Variants in ADGRL2 observed in about 807,000 individuals in gnomAD.
ADGRL2 encodes the protein calcium-independent alpha-latrotoxin receptor 2.
A neutral mutation model predicts 157.4 loss-of-function variants in ADGRL2; 44 were observed. The ratio of observed to expected loss-of-function variants is 0.28; its 90% CI spans 0.22 to 0.36. ADGRL2 has a LOEUF of 0.36. ADGRL2 is among the 10% of genes least tolerant of loss of function. The pLI, the probability that ADGRL2 is intolerant of heterozygous loss-of-function variation, is 1.00. For synonymous variants in ADGRL2, 585 were observed against 624.7 expected, an observed-to-expected ratio of 0.94 and a Z score of 0.95; for missense variants, 1,510 against 1,768.9, an observed-to-expected ratio of 0.85 and a Z score of 2.63.
intron 2 of ADGRL2, among the ~76,000 whole-genome samples, chr1:81,900,076 T>C (rs1228489935): frequency 6.6e-6 from 1 of 152,154 alleles, no homozygotes; most frequent in Non-Finnish European, 1.5e-5. Context: ...AAACTTAATC[T>C]TTCTCTGCCT....
At chr1:81,652,191 T>G (rs1484115553) in intron 3 of ADGRL2, among the ~76,000 whole-genome samples, 1 of 152,214 alleles carries the variant, frequency 6.6e-6, no homozygotes, top group Non-Finnish European at 1.5e-5. Flanking sequence ...GAAAACTAAC[T>G]TAAAAGCTAC....
chr1:81,833,637 G>A (rs1289244396), intron 1 of ADGRL2, among the ~76,000 whole-genome samples: 1 of 152,204 alleles, frequency 6.6e-6, no homozygotes, highest in African/African-American at 2.4e-5. Flanking sequence ...ATGTAAATAT[G>A]TGACTTAAAA....
In ADGRL2 at chr1:81,969,315, C is replaced by G. The variant is rs752044178; in HGVS notation, c.2661C>G (p.His887Gln). 14 of 1,613,994 alleles carry G rather than the reference C, an allele frequency of 8.7e-6. No homozygotes were observed. The highest frequency in any genetic ancestry group is 1.2e-5 in the Non-Finnish European group (14 of 1,179,890). Residue 887 changes from histidine to glutamine, a missense_variant, in exon 15 of 24, where the codon CAC (histidine) becomes CAG (glutamine). Around this residue, in one of 4 missense-constraint regions of ADGRL2, gnomAD observed 497 missense variants for 627.2 expected, o/e 0.79. Coordinates refer to ENST00000686636, the MANE Select transcript of ADGRL2 (RefSeq NM_001366006.2). ...TACAGAGTGACCGAAATACTATTCA[C>G]AAGAACCTTTGTATCAACCTTTTCA... is the stretch of plus-strand genomic sequence containing the variant. Reference protein sequence around the residue: ...RGLQSDRNTIHKNLCINLFIA... With the variant: ...RGLQSDRNTIQKNLCINLFIA...
chr1:81,842,480 C>T (rs879446750), intron 2 of ADGRL2, among the ~76,000 whole-genome samples: 1 of 151,184 alleles, frequency 6.6e-6, no homozygotes, highest in Non-Finnish European at 1.5e-5. Context: ...GCCTCAGCCT[C>T]CCAAGTAGCT....
rs1664909166 is a variant in ADGRL2, at chr1:81,993,123, A to G, written c.*1978A>G. 1.7e-5 allele frequency among the ~76,000 whole-genome samples: 1 copy of G among 60,162 alleles called. No homozygotes were observed. The highest frequency in any genetic ancestry group is 7.5e-5 in the African/African-American group (1 of 13,364). 39.5% of individuals were successfully genotyped at this position (60,162 alleles called of 152,430 possible). On this transcript the variant is annotated 3_prime_UTR_variant, in exon 24 of 24. Coordinates refer to ENST00000686636, the MANE Select transcript of ADGRL2 (RefSeq NM_001366006.2). ...TTTTTTTTTTTTTTTTTTTTTTGGGACAGAGTGTCCCTCTGTCACCCAGGC... is the reference window on the plus strand; with the variant it reads ...TTTTTTTTTTTTTTTTTTTTTTGGGGCAGAGTGTCCCTCTGTCACCCAGGC...
At chr1:81,462,682 T>G (rs1254472240) in intron 2 of ADGRL2, among the ~76,000 whole-genome samples, 1 of 152,226 alleles carries the variant, frequency 6.6e-6, no homozygotes. Flanking sequence ...CCAAGTATTT[T>G]ATTAAGTGTT....
chr1:81,512,238 A>G (rs1363355022), intron 2 of ADGRL2, among the ~76,000 whole-genome samples: 3 of 152,072 alleles, frequency 2.0e-5, no homozygotes, highest in Admixed American at 6.5e-5. Flanking sequence ...AGGTCATGCA[A>G]CAGATTTCTT....
chr1:81,768,394 A>C (rs2149335493), intron 2 of ADGRL2, among the ~76,000 whole-genome samples: 1 of 152,086 alleles, frequency 6.6e-6, no homozygotes, highest in Admixed American at 6.5e-5. Context: ...TCAAAGTTTT[A>C]ATTTTCAATA....
intron 2 of ADGRL2, among the ~76,000 whole-genome samples, chr1:81,879,162 A>T (rs2093920167): frequency 6.6e-6 from 1 of 152,230 alleles, no homozygotes; most frequent in African/African-American, 2.4e-5. Context: ...ACTGAAAGTA[A>T]CATTGTGCAT....
At chr1:81,659,606 T>G (rs968989599) in intron 3 of ADGRL2, among the ~76,000 whole-genome samples, 3 of 152,074 alleles carry the variant, frequency 2.0e-5, no homozygotes, top group Non-Finnish European at 4.4e-5. Context: ...GACCGCAGGA[T>G]GTGTAACATT....
At chr1:81,566,310 C>A (rs563082641) in intron 2 of ADGRL2, among the ~76,000 whole-genome samples, 2 of 152,248 alleles carry the variant, frequency 1.3e-5, no homozygotes, top group African/African-American at 4.8e-5. Flanking sequence ...AATGGTATTA[C>A]CCCTCTAACT....
intron 1 of ADGRL2, among the ~76,000 whole-genome samples, chr1:81,704,958 A>G (rs2083684340): frequency 6.6e-6 from 1 of 152,220 alleles, no homozygotes; most frequent in Non-Finnish European, 1.5e-5. Context: ...AAAAAGAAAA[A>G]TACTGGCAAA....
intron 1 of ADGRL2, among the ~76,000 whole-genome samples, chr1:81,403,452 G>A (rs1162712152): frequency 6.6e-6 from 1 of 152,014 alleles, no homozygotes; most frequent in Admixed American, 6.6e-5. Flanking sequence ...TTTTATTAGA[G>A]ATGGGGTTTC....
intron 1 of ADGRL2, among the ~76,000 whole-genome samples, chr1:81,704,663 G>T (rs2083676799): frequency 6.6e-6 from 1 of 152,096 alleles, no homozygotes; most frequent in African/African-American, 2.4e-5. Context: ...GGGTCTTGTT[G>T]ACCAGGTAAA....
At chr1:81,676,024 G>A (rs567053836) in intron 3 of ADGRL2, among the ~76,000 whole-genome samples, 25 of 151,974 alleles carry the variant, frequency 1.6e-4, no homozygotes, top group African/African-American at 5.5e-4. Flanking sequence ...GTTTTGAGAC[G>A]GAGTTTTGCT....
chr1:81,730,255 T>G (rs916745217), intron 1 of ADGRL2, among the ~76,000 whole-genome samples: 1 of 152,328 alleles, frequency 6.6e-6, no homozygotes, highest in Middle Eastern at 3.4e-3. Context: ...TTTTACATAT[T>G]GCCTTAACCC....
At chr1:81,704,923 A>G (rs560641599) in intron 1 of ADGRL2, among the ~76,000 whole-genome samples, 2 of 152,368 alleles carry the variant, frequency 1.3e-5, no homozygotes, top group East Asian at 3.9e-4. Flanking sequence ...AACGAGGATG[A>G]TGGCAGAAAA....
chr1:81,333,746 TG>T (rs1235992894), intron 1 of ADGRL2, among the ~76,000 whole-genome samples: 1 of 123,512 alleles, frequency 8.1e-6, no homozygotes, highest in African/African-American at 3.1e-5. Flanking sequence ...CTTTCAGAGC[TG>T]GGGGGTTCCC....
intron 2 of ADGRL2, among the ~76,000 whole-genome samples, chr1:81,545,598 C>A (rs940151919): frequency 6.6e-6 from 1 of 152,022 alleles, no homozygotes; most frequent in Non-Finnish European, 1.5e-5. Flanking sequence ...TTCTAATGAG[C>A]ATCTAAGTTC....
Sources: gnomAD v4.1 joint callset for allele counts (sites outside exome capture counted in the v4.1 genomes callset) on GRCh38, gnomAD v4.1.1 for gene constraint, gnomAD v4.1.1 regional missense constraint, MANE v1.5 for transcripts, NCBI Gene and HGNC (gene_info 2026-07-23, HGNC 2026-07-21) for gene names.